The following TNRC6A variants were observed in gnomAD, a reference collection of about 807,000 sequenced individuals.
TNRC6A encodes trinucleotide repeat-containing gene 6A protein.
TNRC6A carries 44 observed loss-of-function variants against 221.2 expected under a neutral mutation model. The observed-to-expected ratio is 0.20, with a 90% CI of 0.16 to 0.26. The LOEUF is 0.26. TNRC6A is among the 10% of genes least tolerant of loss of function. The probability of loss-of-function intolerance (pLI) is 1.00; values close to 1 mark genes in which losing one functional copy is unlikely to be tolerated. For synonymous variants in TNRC6A, 847 were observed against 838.5 expected, an observed-to-expected ratio of 1.01 and a Z score of -0.18; for missense variants, 2,199 against 2,404.4, an observed-to-expected ratio of 0.91 and a Z score of 1.79.
rs1231278064 is a variant in TNRC6A, at chr16:24,687,841, G to GA, written n.402+46833dup. Among the ~76,000 whole-genome samples the GA allele has an allele frequency of 4.6e-3, 660 of 142,500 alleles. 3 individuals carry two copies. The highest frequency in any genetic ancestry group is 7.0e-3 in the Middle Eastern group (2 of 284). The allele number at this position is 142,500 out of a possible 152,430, so 93.5% of individuals were successfully genotyped here. On this transcript the variant is annotated intron_variant and non_coding_transcript_variant, in intron 2 of 2. Coordinates refer to the TNRC6A transcript ENST00000566108. The stretch of plus-strand genomic sequence containing the variant: ...GGAAGAGGAAGAAGAGGAAGAGGAA[G>GA]AGGAAGAAGAAGAAGAAGAAGAAGA...
At chr16:24,805,865 C>CT (rs1310309554) in intron 15 of TNRC6A, 132 bp downstream of exon 15, 2 of 1,192,412 alleles carry the variant, frequency 1.7e-6, no homozygotes, top group South Asian at 1.5e-5. Context: ...AGCTTACAGT[C>CT]TATCGGGGGA....
intron 2 of TNRC6A, among the ~76,000 whole-genome samples, chr16:24,745,792 C>A (rs1449969586): frequency 2.6e-5 from 2 of 76,308 alleles, no homozygotes; most frequent in African/African-American, 1.0e-4. Flanking sequence ...CAGGTATGTA[C>A]CATCCCCCCC....
At chr16:24,753,261 T>C (rs1411059431) in intron 3 of TNRC6A, among the ~76,000 whole-genome samples, 3 of 152,220 alleles carry the variant, frequency 2.0e-5, no homozygotes, top group Non-Finnish European at 1.5e-5. Flanking sequence ...ACCTCAACCA[T>C]GTCCTTACTA....
At chr16:24,771,592 A>ATGTTATGT (rs2057609594) in intron 4 of TNRC6A, among the ~76,000 whole-genome samples, 8 of 148,666 alleles carry the variant, frequency 5.4e-5, no homozygotes, top group African/African-American at 1.5e-4. Flanking sequence ...TTGTTATGTT[A>ATGTTATGT]TGTTATGTTA....
intron 1 of TNRC6A, among the ~76,000 whole-genome samples, chr16:24,627,155 C>A (rs1423729856): frequency 6.6e-6 from 1 of 152,050 alleles, no homozygotes; most frequent in African/African-American, 2.4e-5. Context: ...TCACCTGCCG[C>A]AGCTTCTGTG....
At chr16:24,739,302 C>T (rs578006126) in intron 2 of TNRC6A, among the ~76,000 whole-genome samples, 1 of 152,160 alleles carries the variant, frequency 6.6e-6, no homozygotes, top group Admixed American at 6.5e-5. Context: ...TTTTCATGTC[C>T]TTATTGGCCA....
chr16:24,798,307 A>G (rs978857033), intron 11 of TNRC6A, among the ~76,000 whole-genome samples: 9 of 152,234 alleles, frequency 5.9e-5, no homozygotes, highest in Admixed American at 6.5e-5. Flanking sequence ...AAGTCATTCC[A>G]TAGAATGAGT....
At chr16:24,625,702 C>A (rs148157442) in intron 1 of TNRC6A, among the ~76,000 whole-genome samples, 1 of 126,256 alleles carries the variant, frequency 7.9e-6, no homozygotes, top group Non-Finnish European at 1.6e-5. Context: ...GTCCGCAGTC[C>A]GGCCTGGGCG....
chr16:24,639,376 C>T (rs372979958), intron 1 of TNRC6A, among the ~76,000 whole-genome samples: 4 of 151,930 alleles, frequency 2.6e-5, no homozygotes, highest in South Asian at 4.2e-4. Flanking sequence ...ACCTGTAATC[C>T]CAGCCACTTA....
chr16:24,800,313 A>T (rs1328273477), intron 11 of TNRC6A, among the ~76,000 whole-genome samples: 1 of 152,202 alleles, frequency 6.6e-6, no homozygotes, highest in East Asian at 1.9e-4. Flanking sequence ...ACAGATGCCC[A>T]CCTTTTTAGG....
intron 1 of TNRC6A, among the ~76,000 whole-genome samples, chr16:24,612,466 G>A (rs1184382133): frequency 6.6e-6 from 1 of 152,032 alleles, no homozygotes; most frequent in African/African-American, 2.4e-5. Flanking sequence ...AGCTATCCAG[G>A]CTGGGCGCAG....
chr16:24,666,639 GAAAAAAA>G (rs1164353374), intron 2 of TNRC6A, among the ~76,000 whole-genome samples: 67 of 31,486 alleles, frequency 2.1e-3, no homozygotes, highest in East Asian at 3.9e-3. Context: ...CTGTCTTAGA[GAAAAAAA>G]AAAAAAAAAA....
rs368170610 is a variant in TNRC6A, at chr16:24,793,588, G to A, written c.3291G>A (p.Ala1097=). ...CCAGCTGGGGGGAACCCATTGCTGC[G>A]GCATCCAGCACATCCACGTGGGGCT... ...SGPSWGEPIA[A]ASSTSTWGSS... is the part of the protein sequence containing the mutation. Residue 1097 remains alanine (A), a synonymous_variant, in exon 7 of 25, where the codon GCG becomes GCA. Transcript: ENST00000395799. 99 of 1,563,376 alleles carry A rather than the reference G, an allele frequency of 6.3e-5. No individual in the cohort carries two copies. The highest frequency in any genetic ancestry group is 1.6e-4 in the South Asian group (13 of 80,398).
chr16:24,619,895 A>G (rs865941868), intron 1 of TNRC6A, among the ~76,000 whole-genome samples: 1 of 152,192 alleles, frequency 6.6e-6, no homozygotes, highest in Non-Finnish European at 1.5e-5. Flanking sequence ...TAATCTCAGC[A>G]CTTTGGGAGG....
rs878958345 is a variant in TNRC6A, at chr16:24,777,081, G to A, written c.312G>A (p.Pro104=). Residue 104 remains proline (P), a synonymous_variant, in exon 5 of 25, where the codon CCG becomes CCA. Transcript: ENST00000395799. ...AGCAGCAGCAGCAACAGCAGCAGCC[G>A]CAGCAGCAGCAGCCACAGCAGCAGC... ...QPQQQQQQQQ[P]QQQQPQQQPQ... 126 of 1,600,994 alleles carry A rather than the reference G, an allele frequency of 7.9e-5. No individual in the cohort carries two copies. Among genetic ancestry groups the A allele is most frequent in the Non-Finnish European group, 9.5e-5 (111 of 1,171,970 alleles).
In TNRC6A at chr16:24,659,996, C is replaced by A. The variant is rs1007923717; in HGVS notation, n.402+18987C>A. ...TCTACTGCAAGCTGGGAGAGGTGAG[C>A]TATAGTCATATGTTAGTCTTGGTGT... is the stretch of plus-strand genomic sequence containing the variant. On this transcript the variant is annotated intron_variant and non_coding_transcript_variant, in intron 2 of 2. Transcript: ENST00000566108. Among the ~76,000 whole-genome samples the A allele has an allele frequency of 3.3e-5, 5 of 151,978 alleles. No individual in the cohort carries two copies. In the South Asian group the frequency reaches 1.0e-3, roughly 32 times the overall value.
chr16:24,711,646 T>A lies in TNRC6A; in HGVS notation n.403-39080T>A, dbSNP rs149109673. On this transcript the variant is annotated intron_variant and non_coding_transcript_variant, in intron 2 of 2. Transcript: ENST00000566108. ...GTATTATTATTTTGAAATTCATCCATGTTATGTATTTAAATAGTTCCTTTT... is the reference window on the plus strand; with the variant it reads ...GTATTATTATTTTGAAATTCATCCAAGTTATGTATTTAAATAGTTCCTTTT... 2.8e-3 allele frequency among the ~76,000 whole-genome samples: 419 copies of A among 149,706 alleles called. 4 individuals carry two copies. Among genetic ancestry groups the A allele is most frequent in the African/African-American group, 0.01 (403 of 39,930 alleles).
At position 24,824,338 on chromosome 16, in the gene TNRC6A, T is replaced by C. The variant is rs774123661; in HGVS notation, c.*531T>C. ...TGTTGCCTACCTTATTGTGGTATCG[T>C]GGAGTTTAAAAGATCAAGTTAGGAT... On this transcript the variant is annotated 3_prime_UTR_variant, in exon 25 of 25. Transcript: ENST00000395799. 2 of 152,424 alleles carry C rather than the reference T, an allele frequency of 1.3e-5. No homozygotes were observed. The highest frequency in any genetic ancestry group is 2.9e-5 in the Non-Finnish European group (2 of 68,004). The allele number at this position is 152,424 out of a possible 1,614,324, so 9.4% of individuals were successfully genotyped here.
chr16:24,795,922 AAAAGG>A lies in TNRC6A; in HGVS notation c.3546_3550del (p.Arg1183LysfsTer22). The A allele has an allele frequency of 6.2e-7, 1 of 1,608,938 alleles. No individual in the cohort carries two copies. Among genetic ancestry groups the A allele is most frequent in the Non-Finnish European group, 8.5e-7 (1 of 1,176,196 alleles). On this transcript the variant is annotated frameshift_variant, in exon 9 of 25. Transcript: ENST00000395799. LOFTEE classifies it high-confidence loss of function. ...TTCCTTACAGGGTCTGAGTGGCAAA[AAAAGG>A]AGAAGGGAAAGGGTGTGTAGCCTTT... is the stretch of plus-strand genomic sequence containing the variant.
Sources: allele counts gnomAD v4.1 joint callset (sites outside exome capture counted in the v4.1 genomes callset), GRCh38; gene constraint gnomAD v4.1.1; transcripts MANE v1.5; gene names NCBI Gene and HGNC (gene_info 2026-07-23, HGNC 2026-07-21).